WRNIP1: variants seen among roughly 807,000 people sequenced by gnomAD.
WRNIP1 encodes the protein ATPase WRNIP1.
A neutral mutation model predicts 56.1 loss-of-function variants in WRNIP1; 41 were observed. That is an observed-to-expected ratio of 0.73 (90% CI 0.57 to 0.95). The LOEUF is 0.95. WRNIP1 is among the 40% of genes least tolerant of loss of function. The probability of loss-of-function intolerance (pLI) is 0.00; values close to 1 mark genes in which losing one functional copy is unlikely to be tolerated. For synonymous variants in WRNIP1, 547 were observed against 398.1 expected (o/e 1.37, Z -4.45); for missense variants, 1,170 against 939.4 (o/e 1.25, Z -3.21).
chr6:2,785,210 C>T lies in WRNIP1; in HGVS notation c.1926C>T (p.Ser642=), dbSNP rs369574996. The T allele has an allele frequency of 5.5e-5, 88 of 1,614,004 alleles. No homozygotes were observed. The Admixed American group carries it at 1.3e-3, about 23-fold the overall frequency. ...GCTACAAGTACAACCCCATGTACAG[C>T]GAGCCTGTGGATCAGGAGTACCTGC... ...GKGYKYNPMY[S]EPVDQEYLPE... is the part of the protein sequence containing the mutation. Residue 642 remains serine (S), a synonymous_variant, in exon 7 of 7, where the codon AGC becomes AGT. Coordinates refer to ENST00000380773, the MANE Select transcript of WRNIP1 (RefSeq NM_020135.3).
intron 3 of WRNIP1, chr6:2,773,341 G>A (rs944823733): frequency 5.7e-5 from 56 of 985,266 alleles, no homozygotes; most frequent in Admixed American, 1.2e-4. Flanking sequence ...CCAGTGCCAC[G>A]CTTATACGCC....
chr6:2,767,536 G>T (rs954489112), intron 1 of WRNIP1, among the ~76,000 whole-genome samples: 3 of 152,190 alleles, frequency 2.0e-5, no homozygotes, highest in Admixed American at 6.5e-5. Flanking sequence ...CTTCCCTTTG[G>T]CCAGGAATAA....
At chr6:2,777,690 C>T (rs1432999477) in intron 3 of WRNIP1, among the ~76,000 whole-genome samples, 1 of 152,140 alleles carries the variant, frequency 6.6e-6, no homozygotes, top group Non-Finnish European at 1.5e-5. Flanking sequence ...ATGTTCTGTC[C>T]ATCATTATCT....
At chr6:2,766,469 C>T (rs1456327241) in intron 1 of WRNIP1, 25 bp downstream of exon 1, 12 of 1,482,102 alleles carry the variant, frequency 8.1e-6, no homozygotes, top group East Asian at 2.6e-5. Context: ...GGCCGTTGGG[C>T]TTCCGTAGTT....
At chr6:2,768,632 G>C (rs1032547463) in intron 1 of WRNIP1, 59 bp from the exon 2 acceptor site, 1 of 1,445,422 alleles carries the variant, frequency 6.9e-7, no homozygotes, top group Admixed American at 2.3e-5. Context: ...GTTCCCATGG[G>C]TGCTGGTCTC....
In WRNIP1 at chr6:2,765,465, G is replaced by C. The variant is rs1478910164; in HGVS notation, c.-158G>C. On this transcript the variant is annotated 5_prime_UTR_variant, in exon 1 of 7. Transcript: ENST00000380773. ...GCGGGCGGACGCGGGAGCTGCGGAC[G>C]TGAGGCATGAGCGGCGCCCTCCTCC... 2 of 915,764 alleles carry C rather than the reference G, an allele frequency of 2.2e-6. No individual in the cohort carries two copies. The highest frequency in any genetic ancestry group is 4.6e-5 in the Admixed American group (1 of 21,838). 56.7% of individuals were successfully genotyped at this position (915,764 alleles called of 1,614,324 possible).
At chr6:2,774,717 G>T (rs1013372893) in intron 3 of WRNIP1, among the ~76,000 whole-genome samples, 1 of 152,192 alleles carries the variant, frequency 6.6e-6, no homozygotes, top group Non-Finnish European at 1.5e-5. Flanking sequence ...GGAAAGACAT[G>T]TGCCTCCATG....
At chr6:2,779,918 C>A in intron 4 of WRNIP1, among the ~76,000 whole-genome samples, 1 of 152,148 alleles carries the variant, frequency 6.6e-6, no homozygotes, top group East Asian at 1.9e-4. Context: ...AATTAAAATG[C>A]TTTATTTCTA....
chr6:2,785,453 A>G lies in WRNIP1; in HGVS notation c.*171A>G, dbSNP rs994918743. On this transcript the variant is annotated 3_prime_UTR_variant, in exon 7 of 7. Coordinates refer to ENST00000380773, the MANE Select transcript of WRNIP1 (RefSeq NM_020135.3). ...GCGCAGTTCTTTCGAATAAATGTGT[A>G]ACTTTGAAATTGTGTTCATTTGCAC... 2.4e-5 allele frequency: 17 copies of G among 703,382 alleles called. No homozygotes were observed. The African/African-American group carries it at 2.9e-4, about 12-fold the overall frequency. 43.6% of individuals were successfully genotyped at this position (703,382 alleles called of 1,614,324 possible).
intron 3 of WRNIP1, among the ~76,000 whole-genome samples, chr6:2,772,443 G>A (rs1284663769): frequency 1.8e-4 from 27 of 152,186 alleles, no homozygotes. Flanking sequence ...CCAGCACAGT[G>A]CCTGGCACAC....
chr6:2,784,327 T>C lies in WRNIP1; in HGVS notation c.1646T>C (p.Leu549Pro). Residue 549 changes from leucine to proline, a missense_variant, in exon 6 of 7, where the codon CTG (leucine) becomes CCG (proline). Leu to Pro is a moderately conservative substitution (Grantham distance 98, BLOSUM62 -3). Coordinates refer to ENST00000380773, the MANE Select transcript of WRNIP1 (RefSeq NM_020135.3). Reference sequence around the variant, plus strand: ...CCTTTGTCTCTGTGTGTGGCAGGTCTGGCAGACCCGTCTGCGTTAACACAA... The same window carrying C: ...CCTTTGTCTCTGTGTGTGGCAGGTCCGGCAGACCCGTCTGCGTTAACACAA... ...LVRFASEDIG[L>P]ADPSALTQAV... 2 of 1,613,344 alleles carry C rather than the reference T, an allele frequency of 1.2e-6. No individual in the cohort carries two copies. Among genetic ancestry groups the C allele is most frequent in the Non-Finnish European group, 1.7e-6 (2 of 1,179,418 alleles).
intron 3 of WRNIP1, chr6:2,773,665 A>G: frequency 1.0e-6 from 1 of 985,420 alleles, no homozygotes; most frequent in Non-Finnish European, 1.2e-6. Flanking sequence ...TGTGCTGCTG[A>G]AAATGAAAAA....
At chr6:2,781,923 G>A (rs1210609976) in intron 4 of WRNIP1, among the ~76,000 whole-genome samples, 1 of 152,236 alleles carries the variant, frequency 6.6e-6, no homozygotes, top group Non-Finnish European at 1.5e-5. Flanking sequence ...TGGCCCATGA[G>A]CTTGGGGGTC....
intron 3 of WRNIP1, chr6:2,773,318 A>T: frequency 1.0e-6 from 1 of 985,358 alleles, no homozygotes; most frequent in Non-Finnish European, 1.2e-6. Flanking sequence ...AGGCTAGGGG[A>T]GCAGGTCCAC....
rs374747846 is a variant in WRNIP1, at chr6:2,783,431, C to A, written c.1512C>A (p.Ser504=). The A allele has an allele frequency of 8.3e-5, 133 of 1,608,852 alleles. No homozygotes were observed. The highest frequency in any genetic ancestry group is 1.3e-4 in the South Asian group (12 of 90,454). Residue 504 remains serine, a synonymous_variant, in exon 5 of 7, where the codon TCC becomes TCA. Transcript: ENST00000380773. ...GTGAGGAGCATTACAACTGCATCTC[C>A]GCCCTGCACAAGTCCATGCGGGGCT... ...RAGEEHYNCI[S]ALHKSMRGSD...
intron 4 of WRNIP1, among the ~76,000 whole-genome samples, chr6:2,781,768 T>C (rs1467173743): frequency 1.3e-5 from 2 of 152,256 alleles, no homozygotes; most frequent in Non-Finnish European, 2.9e-5. Flanking sequence ...CTAGTATCTA[T>C]CACTGATGCA....
At chr6:2,780,745 C>A (rs547227643) in intron 4 of WRNIP1, among the ~76,000 whole-genome samples, 1 of 152,092 alleles carries the variant, frequency 6.6e-6, no homozygotes, top group African/African-American at 2.4e-5. Context: ...ATGCCGGGAT[C>A]GCCATTGTTT....
intron 4 of WRNIP1, among the ~76,000 whole-genome samples, chr6:2,779,893 T>C (rs567892589): frequency 6.6e-5 from 10 of 152,376 alleles, no homozygotes; most frequent in African/African-American, 1.4e-4. Flanking sequence ...TAATGACTTA[T>C]TAGTTTTAAT....
chr6:2,785,926 T>TA lies in WRNIP1; in HGVS notation c.*647dup, dbSNP rs950788416. 2 of 152,590 alleles carry TA rather than the reference T, an allele frequency of 1.3e-5. No individual in the cohort carries two copies. Among genetic ancestry groups the TA allele is most frequent in the African/African-American group, 4.8e-5 (2 of 41,440 alleles). 9.5% of individuals were successfully genotyped at this position (152,590 alleles called of 1,614,324 possible). A position where few individuals can be genotyped will look rare whatever the true frequency, so the allele number is the denominator to read the frequency against. ...ACTCTGATCTCTTTAAAGGAATACA[T>TA]AAAGGAATTCTTTAAATGGCTTGTG... On this transcript the variant is annotated 3_prime_UTR_variant, in exon 7 of 7. Transcript: ENST00000380773.
Sources: allele counts gnomAD v4.1 joint callset (sites outside exome capture counted in the v4.1 genomes callset), GRCh38; gene constraint gnomAD v4.1.1; transcripts MANE v1.5; gene names NCBI Gene and HGNC (gene_info 2026-07-23, HGNC 2026-07-21).